Variants in HSD3B2 observed in about 807,000 individuals in gnomAD.
The protein encoded by HSD3B2 is 3 beta-hydroxysteroid dehydrogenase/Delta 5-->4-isomerase type 2.
In HSD3B2, 8 loss-of-function variants were observed where a neutral mutation model predicts 9.9. The observed-to-expected ratio is 0.81, with a 90% CI of 0.47 to 1.46. The LOEUF is 1.46. Among genes scored for constraint, HSD3B2 ranks in the 40% most tolerant of loss-of-function variants. The probability of loss-of-function intolerance (pLI) is 0.00; values close to 1 mark genes in which losing one functional copy is unlikely to be tolerated. For synonymous variants in HSD3B2, 221 were observed against 184.5 expected, an observed-to-expected ratio of 1.20 and a Z score of -1.60; for missense variants, 410 against 448.3, an observed-to-expected ratio of 0.91 and a Z score of 0.77.
intron 2 of HSD3B2, among the ~76,000 whole-genome samples, chr1:119,417,773 G>A (rs941521324): frequency 6.6e-6 from 1 of 152,140 alleles, no homozygotes; most frequent in Non-Finnish European, 1.5e-5. Context: ...AGTTAAACTG[G>A]CTTATTCTTA....
chr1:119,416,422 G>T (rs147034265), intron 2 of HSD3B2, among the ~76,000 whole-genome samples: 4 of 152,110 alleles, frequency 2.6e-5, no homozygotes, highest in African/African-American at 4.8e-5. Context: ...GGTAGAAAAG[G>T]GGTCACCTCC....
At position 119,421,836 on chromosome 1, in the gene HSD3B2, T is replaced by C; in HGVS notation, c.335T>C (p.Val112Ala). The change falls in exon 4 of 4, where the codon GTC (valine) becomes GCC (alanine). Residue 112 changes from valine (V) to alanine (A), a missense_variant. Val to Ala is a moderately conservative substitution (Grantham distance 64). Coordinates refer to ENST00000369416, the MANE Select transcript of HSD3B2 (RefSeq NM_000198.4). ...ACCCAGCTACTGTTGGAGGCCTGTG[T>C]CCAAGCCAGTGTGCCAGTCTTCATC... ...KGTQLLLEAC[V>A]QASVPVFIYT... 6.2e-7 allele frequency: 1 copy of C among 1,613,796 alleles called. No homozygotes were observed. The highest frequency in any genetic ancestry group is 8.5e-7 in the Non-Finnish European group (1 of 1,179,852).
intron 2 of HSD3B2, among the ~76,000 whole-genome samples, chr1:119,415,948 G>A (rs1431464759): frequency 1.3e-5 from 2 of 152,182 alleles, no homozygotes; most frequent in Non-Finnish European, 2.9e-5. Flanking sequence ...AGTGGGTCCT[G>A]CCTGTCTAGA....
chr1:119,419,999 A>G (rs1651817581), intron 3 of HSD3B2: 2 of 295,062 alleles, frequency 6.8e-6, no homozygotes, highest in South Asian at 7.1e-5. Context: ...ATCATTTTGA[A>G]CCTTGTGTGT....
chr1:119,420,452 A>G (rs1178964996), intron 3 of HSD3B2, among the ~76,000 whole-genome samples: 1 of 152,188 alleles, frequency 6.6e-6, no homozygotes, highest in African/African-American at 2.4e-5. Flanking sequence ...CAGTTTCTAC[A>G]TAGCCATACC....
intron 2 of HSD3B2, among the ~76,000 whole-genome samples, chr1:119,416,942 A>T (rs1651727249): frequency 6.6e-6 from 1 of 152,196 alleles, no homozygotes; most frequent in South Asian, 2.1e-4. Flanking sequence ...AGCATAATGG[A>T]TGGGCAGGGC....
intron 2 of HSD3B2, among the ~76,000 whole-genome samples, chr1:119,418,331 C>T (rs587757052): frequency 6.6e-6 from 1 of 152,208 alleles, no homozygotes; most frequent in African/African-American, 2.4e-5. Flanking sequence ...TCCCAGTTGC[C>T]CAAGCAGGAA....
chr1:119,421,967 T>C lies in HSD3B2; in HGVS notation c.466T>C (p.Tyr156His), dbSNP rs587676928. The C allele has an allele frequency of 8.5e-5, 137 of 1,613,692 alleles. No individual in the cohort carries two copies. In the South Asian group the frequency reaches 1.4e-3, roughly 16 times the overall value. Residue 156 changes from tyrosine to histidine, a missense_variant, in exon 4 of 4, where the codon TAC becomes CAC. Physicochemically the swap from Tyr to His is moderately conservative, Grantham distance 83 (BLOSUM62 2). Transcript: ENST00000369416. The stretch of plus-strand genomic sequence containing the variant: ...AAACACATGGCCCACTCCATACCCG[T>C]ACAGCAAAAAGCTTGCTGAGAAGGC... ...LENTWPTPYP[Y>H]SKKLAEKAVL...
intron 3 of HSD3B2, among the ~76,000 whole-genome samples, chr1:119,420,950 A>T (rs1252244376): frequency 3.3e-5 from 5 of 152,200 alleles, no homozygotes; most frequent in Non-Finnish European, 5.9e-5. Context: ...ACTGGGTAAC[A>T]GAGTCATAGC....
intron 2 of HSD3B2, among the ~76,000 whole-genome samples, chr1:119,418,626 ATTACT>A (rs1651774235): frequency 1.2e-5 from 1 of 85,866 alleles, no homozygotes; most frequent in African/African-American, 5.0e-5. Context: ...TTTTATTATT[ATTACT>A]ATTATTATTA....
intron 3 of HSD3B2, among the ~76,000 whole-genome samples, chr1:119,420,812 T>G (rs1465247727): frequency 6.6e-6 from 1 of 152,196 alleles, no homozygotes; most frequent in Non-Finnish European, 1.5e-5. Context: ...GCTCAGGTGA[T>G]GCTGACAGGT....
chr1:119,417,233 G>A (rs1219245931), intron 2 of HSD3B2: 1 of 152,164 alleles, frequency 6.6e-6, no homozygotes, highest in Non-Finnish European at 1.5e-5. Context: ...GCTTCTCTGA[G>A]CCTCCCTCCA....
rs759383948 is a variant in HSD3B2, at chr1:119,422,041, C to T, written c.540C>T (p.Tyr180=). Residue 180 remains tyrosine (Y), a synonymous_variant, in exon 4 of 4, where the codon TAC becomes TAT. Coordinates refer to ENST00000369416, the MANE Select transcript of HSD3B2 (RefSeq NM_000198.4). ...GWNLKNGDTL[Y]TCALRPTYIY... ...ATCTAAAAAATGGTGATACCTTGTA[C>T]ACTTGTGCGTTAAGACCCACATATA... 4 of 1,614,008 alleles carry T rather than the reference C, an allele frequency of 2.5e-6. No individual in the cohort carries two copies. The highest frequency in any genetic ancestry group is 1.7e-5 in the Admixed American group (1 of 60,006).
intron 3 of HSD3B2, among the ~76,000 whole-genome samples, chr1:119,420,497 G>C (rs1219797683): frequency 6.6e-6 from 1 of 152,114 alleles, no homozygotes; most frequent in East Asian, 1.9e-4. Context: ...AGTGTGCTAA[G>C]AGTGAATAGT....
chr1:119,420,994 A>C (rs1232575859), intron 3 of HSD3B2, among the ~76,000 whole-genome samples: 2 of 152,110 alleles, frequency 1.3e-5, no homozygotes, highest in Non-Finnish European at 2.9e-5. Flanking sequence ...GGGAACACAC[A>C]ATCAGGAAAG....
At chr1:119,416,615 C>A (rs1339241385) in intron 2 of HSD3B2, among the ~76,000 whole-genome samples, 2 of 152,156 alleles carry the variant, frequency 1.3e-5, no homozygotes, top group African/African-American at 4.8e-5. Context: ...CAAACCAATT[C>A]CATGTTTTCC....
Position 119,415,341 on chromosome 1 carries a change from G to T in HSD3B2, c.-79G>T. Reference sequence around the variant, plus strand: ...ACCTCTTGTTTTTAGCCCTCTTCTGGGTCACGCTAGAATCAGATCTGCTCT... The same window carrying T: ...ACCTCTTGTTTTTAGCCCTCTTCTGTGTCACGCTAGAATCAGATCTGCTCT... On this transcript the variant is annotated 5_prime_UTR_variant, in exon 2 of 4. Coordinates refer to ENST00000369416, the MANE Select transcript of HSD3B2 (RefSeq NM_000198.4). 1 of 1,481,186 alleles carries T rather than the reference G, an allele frequency of 6.8e-7. No individual in the cohort carries two copies. Among genetic ancestry groups the T allele is most frequent in the South Asian group, 1.1e-5 (1 of 88,240 alleles). 91.8% of individuals were successfully genotyped at this position (1,481,186 alleles called of 1,614,324 possible). A position where few individuals can be genotyped will look rare whatever the true frequency, so the allele number is the denominator to read the frequency against.
At chr1:119,420,501 G>A (rs906484901) in intron 3 of HSD3B2, among the ~76,000 whole-genome samples, 1 of 152,106 alleles carries the variant, frequency 6.6e-6, no homozygotes, top group African/African-American at 2.4e-5. Context: ...TGCTAAGAGT[G>A]AATAGTTTTT....
In HSD3B2 at chr1:119,422,648, G is replaced by T; in HGVS notation, c.*28G>T. The stretch of plus-strand genomic sequence containing the variant: ...TAAGGATGACAGAGATGTGCATGTG[G>T]GTATTGTTAGGAAATGTCATCAAAC... On this transcript the variant is annotated 3_prime_UTR_variant, in exon 4 of 4. Coordinates refer to ENST00000369416, the MANE Select transcript of HSD3B2 (RefSeq NM_000198.4). 1 of 1,611,544 alleles carries T rather than the reference G, an allele frequency of 6.2e-7. No homozygotes were observed. The highest frequency in any genetic ancestry group is 8.5e-7 in the Non-Finnish European group (1 of 1,179,328).
Sources: gnomAD v4.1 joint callset for allele counts (sites outside exome capture counted in the v4.1 genomes callset) on GRCh38, gnomAD v4.1.1 for gene constraint, MANE v1.5 for transcripts, NCBI Gene and HGNC (gene_info 2026-07-23, HGNC 2026-07-21) for gene names.